Variants in FOXO3 observed in about 807,000 individuals in gnomAD.
FOXO3 encodes forkhead box protein O3.
A neutral mutation model predicts 41.9 loss-of-function variants in FOXO3; 4 were observed. The observed-to-expected ratio is 0.10, with a 90% CI of 0.05 to 0.22. The LOEUF is 0.22. FOXO3 is among the 10% of genes least tolerant of loss of function. The pLI is 1.00. For missense variants in FOXO3, 534 were observed against 906.8 expected (o/e 0.59, Z 5.28); for synonymous variants, 318 against 389.3 (o/e 0.82, Z 2.16).
At chr6:108,575,397 A>T (rs1272194049) in intron 1 of FOXO3, among the ~76,000 whole-genome samples, 1 of 151,478 alleles carries the variant, frequency 6.6e-6, no homozygotes, top group Non-Finnish European at 1.5e-5. Flanking sequence ...AAAAAAGAAA[A>T]GAAAAAAAAA....
At chr6:108,669,222 G>A (rs943958731) in intron 2 of FOXO3, among the ~76,000 whole-genome samples, 14 of 152,230 alleles carry the variant, frequency 9.2e-5, no homozygotes, top group South Asian at 2.1e-4. Context: ...AAATAGTGGT[G>A]TACTAGTGTG....
At chr6:108,649,190 AG>A (rs1489863128) in intron 1 of FOXO3, among the ~76,000 whole-genome samples, 1 of 151,950 alleles carries the variant, frequency 6.6e-6, no homozygotes, top group Non-Finnish European at 1.5e-5. Flanking sequence ...GGGGTGACAT[AG>A]ATAGGCCCAG....
chr6:108,645,569 G>GC (rs1286363599), intron 1 of FOXO3, among the ~76,000 whole-genome samples: 1 of 151,620 alleles, frequency 6.6e-6, no homozygotes, highest in Non-Finnish European at 1.5e-5. Context: ...ATCCTTAATG[G>GC]CCTCCACATG....
chr6:108,634,734 G>C (rs894277933), intron 1 of FOXO3, among the ~76,000 whole-genome samples: 8 of 152,060 alleles, frequency 5.3e-5, no homozygotes, highest in African/African-American at 1.2e-4. Context: ...GGATCATGAG[G>C]CTGGATGATG....
intron 1 of FOXO3, among the ~76,000 whole-genome samples, chr6:108,598,870 GC>G (rs1381605167): frequency 6.6e-6 from 1 of 152,118 alleles, no homozygotes; most frequent in Non-Finnish European, 1.5e-5. Flanking sequence ...CCCACCCAGG[GC>G]AGGGGTGTCT....
At chr6:108,610,694 G>C (rs1186829290) in intron 1 of FOXO3, among the ~76,000 whole-genome samples, 1 of 152,132 alleles carries the variant, frequency 6.6e-6, no homozygotes, top group East Asian at 1.9e-4. Context: ...CACACCTTTT[G>C]TTCCTTTTCC....
intron 2 of FOXO3, among the ~76,000 whole-genome samples, chr6:108,671,327 C>A (rs541289004): frequency 6.6e-6 from 1 of 152,192 alleles, no homozygotes; most frequent in Non-Finnish European, 1.5e-5. Context: ...GGACATGAGC[C>A]GCCCACTTCA....
intron 1 of FOXO3, among the ~76,000 whole-genome samples, chr6:108,657,520 G>A (rs1446861937): frequency 6.6e-6 from 1 of 152,116 alleles, no homozygotes; most frequent in African/African-American, 2.4e-5. Flanking sequence ...AGTTACCATT[G>A]GCCTGCCTCA....
At position 108,650,331 on chromosome 6, in the gene FOXO3, C is replaced by T. The variant is rs185161602; in HGVS notation, c.622-13124C>T. ...CCTCCCTCTTAGACTCTTCTGTCTCCTCCAGCCACAAGCAGGGTCTAAAAG... is the reference window on the plus strand; with the variant it reads ...CCTCCCTCTTAGACTCTTCTGTCTCTTCCAGCCACAAGCAGGGTCTAAAAG... On this transcript the variant is annotated intron_variant, in intron 1 of 2. Coordinates refer to ENST00000406360, the MANE Select transcript of FOXO3 (RefSeq NM_001455.4). Among the ~76,000 whole-genome samples the T allele has an allele frequency of 6.6e-3, 1,001 of 152,306 alleles. 19 individuals are homozygous for T. The highest frequency in any genetic ancestry group is 0.047 in the South Asian group (227 of 4,824).
intron 1 of FOXO3, among the ~76,000 whole-genome samples, chr6:108,585,237 GTT>G (rs1283751255): frequency 6.6e-6 from 1 of 151,872 alleles, no homozygotes; most frequent in Non-Finnish European, 1.5e-5. Flanking sequence ...TAGAGACGGG[GTT>G]TCACCCCGTT....
At chr6:108,659,966 T>C (rs1778796243) in intron 1 of FOXO3, among the ~76,000 whole-genome samples, 1 of 152,184 alleles carries the variant, frequency 6.6e-6, no homozygotes, top group South Asian at 2.1e-4. Flanking sequence ...TTTTAAAATA[T>C]TGTTCCCTAA....
chr6:108,568,655 G>A (rs1012907253), intron 1 of FOXO3, among the ~76,000 whole-genome samples: 1 of 152,220 alleles, frequency 6.6e-6, no homozygotes, highest in African/African-American at 2.4e-5. Flanking sequence ...TAGTTCTGGG[G>A]CTGTGACTCT....
intron 1 of FOXO3, among the ~76,000 whole-genome samples, chr6:108,567,484 T>C (rs1775977755): frequency 6.6e-6 from 1 of 152,186 alleles, no homozygotes; most frequent in African/African-American, 2.4e-5. Context: ...TCATCTGTAT[T>C]ACTTGTTGCC....
chr6:108,667,344 T>C (rs561199677), intron 2 of FOXO3, among the ~76,000 whole-genome samples: 1 of 152,358 alleles, frequency 6.6e-6, no homozygotes, highest in South Asian at 2.1e-4. Context: ...ATGGAAGATT[T>C]GTCTTTAGAA....
Position 108,647,794 on chromosome 6 carries a change from A to T in FOXO3, c.622-15661A>T, listed in dbSNP as rs60351483. 4.8e-3 allele frequency among the ~76,000 whole-genome samples: 728 copies of T among 152,338 alleles called. 4 individuals carry two copies. Among genetic ancestry groups the T allele is most frequent in the African/African-American group, 0.017 (702 of 41,580 alleles). The stretch of plus-strand genomic sequence containing the variant: ...AACTGTGGCAAATGAGATGTCATAA[A>T]ATTCTGTATTTCATGATAAAGCCTC... On this transcript the variant is annotated intron_variant, in intron 1 of 2. Transcript: ENST00000406360.
At chr6:108,574,554 T>C (rs1171722366) in intron 1 of FOXO3, among the ~76,000 whole-genome samples, 2 of 152,194 alleles carry the variant, frequency 1.3e-5, no homozygotes, top group African/African-American at 2.4e-5. Flanking sequence ...ATGAAAGATA[T>C]TAAAATTATT....
At chr6:108,657,258 A>T (rs1778715637) in intron 1 of FOXO3, among the ~76,000 whole-genome samples, 1 of 152,236 alleles carries the variant, frequency 6.6e-6, no homozygotes, top group South Asian at 2.1e-4. Context: ...CACGTTGGGG[A>T]CAAGCTGGTA....
chr6:108,580,367 G>A (rs1425673761), intron 1 of FOXO3, among the ~76,000 whole-genome samples: 3 of 151,718 alleles, frequency 2.0e-5, no homozygotes, highest in South Asian at 2.1e-4. Flanking sequence ...TAGTAGAGGC[G>A]GGGTTTCACT....
intron 1 of FOXO3, among the ~76,000 whole-genome samples, chr6:108,640,066 A>G (rs1778217001): frequency 6.6e-6 from 1 of 152,230 alleles, no homozygotes; most frequent in Admixed American, 6.5e-5. Flanking sequence ...TCCCAGATGC[A>G]GAGGACCACA....
Sources: gnomAD v4.1 joint callset for allele counts (sites outside exome capture counted in the v4.1 genomes callset) on GRCh38, gnomAD v4.1.1 for gene constraint, MANE v1.5 for transcripts, NCBI Gene and HGNC (gene_info 2026-07-23, HGNC 2026-07-21) for gene names.